The following TENM3 variants were observed in gnomAD, a reference collection of about 807,000 sequenced individuals.
The protein encoded by TENM3 is teneurin transmembrane protein 3, also known as teneurin-3.
TENM3 carries 63 observed loss-of-function variants against 255.1 expected under a neutral mutation model. That is an observed-to-expected ratio of 0.25 (90% confidence interval 0.20 to 0.30). TENM3 has a LOEUF of 0.30. Ranked by LOEUF, TENM3 falls within the 10% of genes least tolerant of loss-of-function variation. The pLI is 1.00. For missense variants in TENM3, 2,929 were observed against 3,461.1 expected, an observed-to-expected ratio of 0.85 and a Z score of 3.86; for synonymous variants, 1,306 against 1,322.3, an observed-to-expected ratio of 0.99 and a Z score of 0.27.
chr4:181,448,154 A>ATTTTTTTTTTT, the TENM3 span, among the ~76,000 whole-genome samples: 7 of 90,124 alleles, frequency 7.8e-5, 1 homozygote, highest in African/African-American at 3.4e-4. Context: ...AAATCCAGTA[A>ATTTTTTTTTTT]TTTTTTTTTT....
chr4:181,671,660 A>G, the TENM3 span, among the ~76,000 whole-genome samples: 10 of 152,266 alleles, frequency 6.6e-5, no homozygotes, highest in South Asian at 2.1e-3. Flanking sequence ...CAAGCAGCGT[A>G]CAATAATTAT....
chr4:182,738,335 G>A (rs930561552), intron 17 of TENM3, 66 bp from the exon 18 acceptor site: 4 of 1,450,726 alleles, frequency 2.8e-6, no homozygotes, highest in Admixed American at 4.6e-5. Context: ...TTTTTTCCAA[G>A]TAAGAAAATA....
At chr4:182,503,418 T>G (rs977294702) in intron 3 of TENM3, among the ~76,000 whole-genome samples, 1 of 152,168 alleles carries the variant, frequency 6.6e-6, no homozygotes, top group Admixed American at 6.5e-5. Flanking sequence ...GCTGGCCCCT[T>G]GCTTATTTGT....
the TENM3 span, among the ~76,000 whole-genome samples, chr4:181,646,024 T>C: frequency 6.6e-6 from 1 of 152,114 alleles, no homozygotes; most frequent in Non-Finnish European, 1.5e-5. Context: ...TCCTCACAGG[T>C]GCAGGCAAAC....
At chr4:181,797,148 T>C in the TENM3 span, among the ~76,000 whole-genome samples, 1 of 152,150 alleles carries the variant, frequency 6.6e-6, no homozygotes, top group Admixed American at 6.5e-5. Flanking sequence ...GGGAGGGTTT[T>C]TTTTTTAATC....
At chr4:182,404,260 A>G (rs184985048) in intron 3 of TENM3, among the ~76,000 whole-genome samples, 7 of 152,310 alleles carry the variant, frequency 4.6e-5, no homozygotes, top group Non-Finnish European at 1.0e-4. Context: ...TTTCAGTGTA[A>G]CCTAAATGTG....
intron 22 of TENM3, among the ~76,000 whole-genome samples, chr4:182,763,303 C>G (rs918837287): frequency 6.6e-6 from 1 of 152,174 alleles, no homozygotes; most frequent in Non-Finnish European, 1.5e-5. Flanking sequence ...TGGCTCACAC[C>G]TGTAATCCCA....
chr4:182,398,272 A>G (rs1768989009), intron 3 of TENM3, among the ~76,000 whole-genome samples: 1 of 152,190 alleles, frequency 6.6e-6, no homozygotes, highest in African/African-American at 2.4e-5. Context: ...CTGGACAGGC[A>G]TTAGGCTGTG....
In TENM3 at chr4:182,680,658, A is replaced by C; in HGVS notation, c.1755A>C (p.Pro585=). ...TGCCGACTACCCAGTGTATTGACCC[A>C]CAGTGTGGGGGTCGTGGGATTTGTA... The part of the protein sequence containing the change: ...CDVPTTQCID[P]QCGGRGICIM... Residue 585 remains proline (P), a synonymous_variant, in exon 10 of 28, where the codon CCA becomes CCC. Transcript: ENST00000511685. 1 of 1,611,098 alleles carries C rather than the reference A, an allele frequency of 6.2e-7. No individual in the cohort carries two copies. Among genetic ancestry groups the C allele is most frequent in the Non-Finnish European group, 8.5e-7 (1 of 1,178,914 alleles).
At chr4:182,670,818 C>T (rs1360260185) in intron 6 of TENM3, among the ~76,000 whole-genome samples, 2 of 152,172 alleles carry the variant, frequency 1.3e-5, no homozygotes, top group Admixed American at 1.3e-4. Flanking sequence ...TATATACACA[C>T]ACCCCACCAC....
At chr4:181,518,114 C>G in the TENM3 span, among the ~76,000 whole-genome samples, 2 of 152,160 alleles carry the variant, frequency 1.3e-5, no homozygotes, top group Admixed American at 1.3e-4. Context: ...AATTGACCTC[C>G]TTTAGCATTT....
intron 1 of TENM3, among the ~76,000 whole-genome samples, chr4:182,168,266 C>G (rs1751856283): frequency 1.3e-5 from 2 of 152,048 alleles, no homozygotes; most frequent in Admixed American, 1.3e-4. Flanking sequence ...TCCCGAGTAG[C>G]TGGGACTACA....
chr4:182,686,948 C>A (rs963022792), intron 11 of TENM3, among the ~76,000 whole-genome samples: 4 of 151,988 alleles, frequency 2.6e-5, no homozygotes, highest in African/African-American at 9.7e-5. Flanking sequence ...CATGAAAAAA[C>A]CTGCGTGCTA....
At chr4:182,144,990 CCT>C (rs1749838988) in intron 1 of TENM3, 1 of 151,898 alleles carries the variant, frequency 6.6e-6, no homozygotes, top group South Asian at 2.1e-4. Context: ...TTCGCCGGCG[CCT>C]CTCGCCCGGG....
the TENM3 span, among the ~76,000 whole-genome samples, chr4:181,825,216 C>T: frequency 6.6e-6 from 1 of 152,082 alleles, no homozygotes; most frequent in South Asian, 2.1e-4. Context: ...TCCTGGACAA[C>T]ATGGTGAAAC....
chr4:182,070,331 C>T, the TENM3 span, among the ~76,000 whole-genome samples: 1 of 152,198 alleles, frequency 6.6e-6, no homozygotes, highest in Admixed American at 6.5e-5. Context: ...TAAGAATACA[C>T]ATATAGGCTG....
chr4:182,399,239 T>C (rs1028879846), intron 3 of TENM3, among the ~76,000 whole-genome samples: 41 of 152,282 alleles, frequency 2.7e-4, no homozygotes, highest in African/African-American at 9.6e-4. Context: ...TGGTAAAATA[T>C]TTTGGTATAG....
At chr4:181,724,175 C>G in the TENM3 span, among the ~76,000 whole-genome samples, 3 of 152,202 alleles carry the variant, frequency 2.0e-5, no homozygotes, top group Admixed American at 2.0e-4. Context: ...AAGAACTTTT[C>G]CAACTGCTGG....
At chr4:181,769,497 G>A in the TENM3 span, among the ~76,000 whole-genome samples, 2 of 152,072 alleles carry the variant, frequency 1.3e-5, no homozygotes, top group Non-Finnish European at 1.5e-5. Flanking sequence ...TAAATCTGTC[G>A]AGTGGTTAAG....
Sources: gnomAD v4.1 joint callset for allele counts (sites outside exome capture counted in the v4.1 genomes callset) on GRCh38, gnomAD v4.1.1 for gene constraint, MANE v1.5 for transcripts, NCBI Gene and HGNC (gene_info 2026-07-23, HGNC 2026-07-21) for gene names.